The following TRIML1 variants were observed in gnomAD, a reference collection of about 807,000 sequenced individuals.
TRIML1 encodes probable E3 ubiquitin-protein ligase TRIML1.
In TRIML1, 34 loss-of-function variants were observed where a neutral mutation model predicts 32.3. The ratio of observed to expected loss-of-function variants is 1.05; its 90% CI spans 0.80 to 1.40. The LOEUF (loss-of-function observed/expected upper bound fraction) is 1.40. Ranked by LOEUF, TRIML1 falls within the 40% of genes most tolerant of loss-of-function variation. The probability of loss-of-function intolerance (pLI) is 0.00; values close to 1 mark genes in which losing one functional copy is unlikely to be tolerated. For synonymous variants in TRIML1, 244 were observed against 226.6 expected, an observed-to-expected ratio of 1.08 and a Z score of -0.69; for missense variants, 595 against 574.9, an observed-to-expected ratio of 1.03 and a Z score of -0.36.
intron 5 of TRIML1, among the ~76,000 whole-genome samples, chr4:188,145,472 AAAAAG>A (rs1369436397): frequency 0.014 from 397 of 27,602 alleles, 28 homozygotes; most frequent in Non-Finnish European, 0.022. Context: ...AAAAAAAAAA[AAAAAG>A]TCAGAAATGG....
rs73023233 is a variant in TRIML1, at chr4:188,141,586, A to G, written c.505-666A>G. ...GAATAAATGAACACACATTTTTCAT[A>G]ATTTTTCTTAATTTTGTTTTATTTG... On this transcript the variant is annotated intron_variant, in intron 2 of 5. Transcript: ENST00000332517. Among the ~76,000 whole-genome samples, 1,066 of 152,128 alleles carry G rather than the reference A, an allele frequency of 7.0e-3. 15 individuals are homozygous for G. Among genetic ancestry groups the G allele is most frequent in the African/African-American group, 0.024 (1,016 of 41,494 alleles).
In TRIML1 at chr4:188,140,745, C is replaced by G. The variant is rs1007237607; in HGVS notation, c.504+122C>G. ...TTTCCAGTCTCACCTCTAAAATATG[C>G]AGTTTCCTTGCATTGGGCTGCCTTC... is the stretch of plus-strand genomic sequence containing the variant. On this transcript the variant is annotated intron_variant, in intron 2 of 5. Transcript: ENST00000332517. 7.2e-5 allele frequency: 52 copies of G among 723,010 alleles called. 1 individual carries two copies. In the Admixed American group the frequency reaches 1.4e-3, roughly 20 times the overall value. 44.8% of individuals were successfully genotyped at this position (723,010 alleles called of 1,614,324 possible).
chr4:188,148,715 G>GC (rs1192647611), downstream of TRIML1, among the ~76,000 whole-genome samples: 1 of 151,396 alleles, frequency 6.6e-6, no homozygotes, highest in Non-Finnish European at 1.5e-5. Context: ...CAATTCTCCT[G>GC]CCTCAACTTC....
chr4:188,141,061 G>A (rs1286833453), intron 2 of TRIML1, among the ~76,000 whole-genome samples: 2 of 152,000 alleles, frequency 1.3e-5, no homozygotes, highest in Non-Finnish European at 1.5e-5. Context: ...GGTTGGTCAC[G>A]GACTTGGATT....
At position 188,144,094 on chromosome 4, in the gene TRIML1, C is replaced by T. The variant is rs1734965518; in HGVS notation, c.817C>T (p.Arg273Cys). Reference sequence around the variant, plus strand: ...CACCACCACAGAGCTGAGTCTGTGCCGCATCACGGGAATGAAGGAGATGCT... The same window carrying T: ...CACCACCACAGAGCTGAGTCTGTGCTGCATCACGGGAATGAAGGAGATGCT... ...EATTTELSLC[R>C]ITGMKEMLRK... Residue 273 changes from arginine to cysteine, a missense_variant, in exon 5 of 6, where the codon CGC becomes TGC. Transcript: ENST00000332517. The T allele has an allele frequency of 1.9e-6, 3 of 1,613,934 alleles. No individual in the cohort carries two copies. Among genetic ancestry groups the T allele is most frequent in the African/African-American group, 1.3e-5 (1 of 74,904 alleles).
At chr4:188,142,230 G>T (rs970432968) in intron 2 of TRIML1, 22 bp from the exon 3 acceptor site, 1 of 1,417,312 alleles carries the variant, frequency 7.1e-7, no homozygotes, top group Non-Finnish European at 9.9e-7. Flanking sequence ...GTGTGTGTGT[G>T]TGTGTGTGTG....
At chr4:188,150,178 T>C (rs1360886281), downstream of TRIML1, among the ~76,000 whole-genome samples, 1 of 151,176 alleles carries the variant, frequency 6.6e-6, no homozygotes, top group Admixed American at 6.6e-5. Context: ...CAGCCTGGAG[T>C]GAAGTGGCAT....
intron 5 of TRIML1, among the ~76,000 whole-genome samples, chr4:188,144,512 GC>G (rs1320687495): frequency 1.4e-5 from 2 of 141,880 alleles, no homozygotes; most frequent in African/African-American, 2.6e-5. Context: ...ACAGGCGCCC[GC>G]CACCACGCCT....
At chr4:188,144,905 T>A (rs1174380339) in intron 5 of TRIML1, among the ~76,000 whole-genome samples, 1 of 152,156 alleles carries the variant, frequency 6.6e-6, no homozygotes, top group Non-Finnish European at 1.5e-5. Flanking sequence ...GCTTTTATCT[T>A]GTGGACAATC....
intron 5 of TRIML1, 29 bp from the exon 6 acceptor site, chr4:188,146,793 G>A (rs781128693): frequency 7.4e-7 from 1 of 1,344,680 alleles, no homozygotes; most frequent in East Asian, 2.7e-5. Context: ...GCATGCCCAA[G>A]GGAAATCTCT....
chr4:188,143,674 T>C (rs9784562), intron 3 of TRIML1, 164 bp from the exon 4 acceptor site: 149,556 of 787,028 alleles, frequency 0.19, 15,923 homozygotes, highest in Middle Eastern at 0.29. Flanking sequence ...AGCACATCCC[T>C]GGAAGAAACT....
chr4:188,146,919 C>G lies in TRIML1; in HGVS notation c.954C>G (p.Pro318=). The G allele has an allele frequency of 1.3e-6, 2 of 1,494,554 alleles. No individual in the cohort carries two copies. The highest frequency in any genetic ancestry group is 1.8e-6 in the Non-Finnish European group (2 of 1,121,412). 92.6% of individuals were successfully genotyped at this position (1,494,554 alleles called of 1,614,324 possible). A position where few individuals can be genotyped will look rare whatever the true frequency, so the allele number is the denominator to read the frequency against. ...VKYGGSRQQL[P]DNPERFDQSA... is the part of the protein sequence containing the mutation. Reference sequence around the variant, plus strand: ...ATGGGGGAAGCAGACAGCAGCTACCCGACAACCCGGAAAGATTTGACCAGT... The same window carrying G: ...ATGGGGGAAGCAGACAGCAGCTACCGGACAACCCGGAAAGATTTGACCAGT... Residue 318 remains proline, a synonymous_variant, in exon 6 of 6, where the codon CCC becomes CCG. Coordinates refer to ENST00000332517, the MANE Select transcript of TRIML1 (RefSeq NM_178556.5).
In TRIML1 at chr4:188,139,862, G is replaced by T. The variant is rs759840720; in HGVS notation, c.304G>T (p.Ala102Ser). 2.5e-6 allele frequency: 4 copies of T among 1,613,826 alleles called. No individual in the cohort carries two copies. Among genetic ancestry groups the T allele is most frequent in the Non-Finnish European group, 3.4e-6 (4 of 1,180,034 alleles). Residue 102 changes from alanine (A) to serine (S), a missense_variant, in exon 1 of 6, where the codon GCC (alanine) becomes TCC (serine). Ala to Ser is a moderately conservative substitution (Grantham distance 99, BLOSUM62 1). Coordinates refer to ENST00000332517, the MANE Select transcript of TRIML1 (RefSeq NM_178556.5). Reference protein sequence around the residue: ...QGSYGRMPTTAKALSDDEQGG... With the variant: ...QGSYGRMPTTSKALSDDEQGG... ...CAGCTACGGGAGGATGCCCACCACTGCCAAGGCGCTCTCCGATGACGAGCA... is the reference window on the plus strand; with the variant it reads ...CAGCTACGGGAGGATGCCCACCACTTCCAAGGCGCTCTCCGATGACGAGCA...
chr4:188,149,646 C>A (rs953998170), downstream of TRIML1, among the ~76,000 whole-genome samples: 11 of 152,130 alleles, frequency 7.2e-5, no homozygotes, highest in African/African-American at 2.7e-4. Flanking sequence ...GAAATGCTGT[C>A]TCCTGTGCTT....
intron 4 of TRIML1, 27 bp downstream of exon 4, chr4:188,143,887 T>G: frequency 6.2e-7 from 1 of 1,614,138 alleles, no homozygotes; most frequent in South Asian, 1.1e-5. Context: ...TGTTCAGTTA[T>G]GCAAGCTGCG....
chr4:188,140,701 G>GA (rs11316189), intron 2 of TRIML1, 78 bp downstream of exon 2: 162,426 of 904,978 alleles, frequency 0.18, 5,867 homozygotes, highest in Middle Eastern at 0.23. Context: ...GAAATATCAG[G>GA]AAAAAAAAAA....
downstream of TRIML1, among the ~76,000 whole-genome samples, chr4:188,150,332 T>C (rs1381091377): frequency 6.6e-6 from 1 of 151,908 alleles, no homozygotes; most frequent in East Asian, 1.9e-4. Context: ...TTTTGCCATG[T>C]TGGCCAGGCT....
rs576716594 is a variant in TRIML1, at chr4:188,139,943, A to T, written c.385A>T (p.Ser129Cys). ...SHGANRVHLS[S>C]EAEEHHREKL... ...TGGTGCAAACAGAGTGCATCTCTCC[A>T]GCGAGGCTGAGGAGCATCACAGAGT... The change falls in exon 1 of 6, where the codon AGC becomes TGC. Residue 129 changes from serine (S) to cysteine (C), a missense_variant. Transcript: ENST00000332517. The T allele has an allele frequency of 1.2e-5, 19 of 1,611,004 alleles. No individual in the cohort carries two copies. Among genetic ancestry groups the T allele is most frequent in the African/African-American group, 2.7e-5 (2 of 75,022 alleles).
At position 188,147,421 on chromosome 4, in the gene TRIML1, CA is replaced by C. The variant is rs1194409182; in HGVS notation, c.*51del. 2.8e-6 allele frequency: 4 copies of C among 1,422,594 alleles called. No individual in the cohort carries two copies. Among genetic ancestry groups the C allele is most frequent in the Non-Finnish European group, 3.7e-6 (4 of 1,085,292 alleles). 88.1% of individuals were successfully genotyped at this position (1,422,594 alleles called of 1,614,324 possible). On this transcript the variant is annotated 3_prime_UTR_variant, in exon 6 of 6. Coordinates refer to ENST00000332517, the MANE Select transcript of TRIML1 (RefSeq NM_178556.5). ...GCGGGCGATGTCTGAGACCAAGACA[CA>C]ACTATTAAGACGATGAAGGCATCGA...
Sources: gnomAD v4.1 joint callset for allele counts (sites outside exome capture counted in the v4.1 genomes callset) on GRCh38, gnomAD v4.1.1 for gene constraint, MANE v1.5 for transcripts, NCBI Gene and HGNC (gene_info 2026-07-23, HGNC 2026-07-21) for gene names.